Variants in DIAPH3 observed in about 807,000 individuals in gnomAD.
DIAPH3 encodes diaphanous related formin 3, also known as protein diaphanous homolog 3.
DIAPH3 carries 117 observed loss-of-function variants against 144.3 expected under a neutral mutation model. The observed-to-expected ratio is 0.81, with a 90% confidence interval of 0.70 to 0.95. DIAPH3 has a LOEUF of 0.95. DIAPH3 is among the 40% of genes least tolerant of loss of function. The probability of loss-of-function intolerance (pLI) is 0.00; values close to 1 mark genes in which losing one functional copy is unlikely to be tolerated. For missense variants in DIAPH3, 1,421 were observed against 1,412.7 expected (o/e 1.01, Z -0.09); for synonymous variants, 519 against 488.9 (o/e 1.06, Z -0.81).
At chr13:59,790,628 T>C (rs2039279792) in intron 25 of DIAPH3, among the ~76,000 whole-genome samples, 3 of 152,036 alleles carry the variant, frequency 2.0e-5, no homozygotes, top group Admixed American at 6.6e-5. Flanking sequence ...AATTTTAAAA[T>C]CCTATTCAGA....
intron 27 of DIAPH3, 122 bp downstream of exon 27, chr13:59,774,067 C>T: frequency 1.0e-6 from 1 of 985,510 alleles, no homozygotes; most frequent in Admixed American, 2.1e-5. Context: ...TGTACATGCA[C>T]ACATTTTTAC....
chr13:59,922,280 T>TA (rs2047557821), intron 18 of DIAPH3, among the ~76,000 whole-genome samples: 1 of 151,976 alleles, frequency 6.6e-6, no homozygotes, highest in African/African-American at 2.4e-5. Flanking sequence ...CAACCTTAAA[T>TA]ATAAAAAATC....
intron 9 of DIAPH3, among the ~76,000 whole-genome samples, chr13:59,993,257 T>C (rs1043361044): frequency 4.0e-5 from 6 of 151,882 alleles, no homozygotes; most frequent in Non-Finnish European, 7.4e-5. Context: ...TGTTTAACAC[T>C]TCAACTTTCA....
At chr13:59,983,223 G>T (rs2051144529) in intron 13 of DIAPH3, among the ~76,000 whole-genome samples, 1 of 130,870 alleles carries the variant, frequency 7.6e-6, no homozygotes, top group Non-Finnish European at 1.6e-5. Flanking sequence ...AAAAAAAAAA[G>T]GCTTCGGGGG....
At chr13:59,694,736 A>C (rs76505810) in intron 27 of DIAPH3, among the ~76,000 whole-genome samples, 3 of 152,198 alleles carry the variant, frequency 2.0e-5, no homozygotes, top group African/African-American at 7.2e-5. Context: ...GTAAAAAAAA[A>C]GTTACAGTTG....
At chr13:60,046,793 TA>T (rs1328541074) in intron 4 of DIAPH3, among the ~76,000 whole-genome samples, 10 of 151,932 alleles carry the variant, frequency 6.6e-5, no homozygotes, top group Admixed American at 3.9e-4. Context: ...TATGCAGCCA[TA>T]AAAAAAGAAT....
chr13:60,119,601 G>T (rs2138131245), intron 2 of DIAPH3, among the ~76,000 whole-genome samples: 1 of 151,180 alleles, frequency 6.6e-6, no homozygotes, highest in South Asian at 2.1e-4. Context: ...CAAAAAATTA[G>T]CCGGGCGTAG....
intron 1 of DIAPH3, chr13:60,147,116 AG>A (rs1951564564): frequency 6.6e-6 from 1 of 152,222 alleles, no homozygotes; most frequent in African/African-American, 2.4e-5. Flanking sequence ...GAAGCCTCCA[AG>A]GCCCATAGGT....
chr13:59,913,862 G>A (rs2047105401), intron 19 of DIAPH3, among the ~76,000 whole-genome samples: 1 of 151,982 alleles, frequency 6.6e-6, no homozygotes, highest in South Asian at 2.1e-4. Flanking sequence ...GGAGGCTGAG[G>A]CAGAAGAATA....
At chr13:59,792,646 T>A (rs1593868792) in intron 25 of DIAPH3, among the ~76,000 whole-genome samples, 1 of 152,158 alleles carries the variant, frequency 6.6e-6, no homozygotes, top group South Asian at 2.1e-4. Flanking sequence ...GTCCTTTTCC[T>A]CTCTCTCTTT....
At chr13:59,955,258 T>C (rs1425776915) in intron 17 of DIAPH3, among the ~76,000 whole-genome samples, 2 of 152,026 alleles carry the variant, frequency 1.3e-5, no homozygotes, top group South Asian at 2.1e-4. Flanking sequence ...AATCCCATCA[T>C]GGGAGGGACC....
intron 27 of DIAPH3, among the ~76,000 whole-genome samples, chr13:59,687,740 T>C (rs1006175683): frequency 6.6e-6 from 1 of 152,014 alleles, no homozygotes; most frequent in African/African-American, 2.4e-5. Context: ...CACAATGTAG[T>C]GTAACATAAG....
Position 59,928,723 on chromosome 13 carries a change from T to C in DIAPH3, c.2075-3853A>G, listed in dbSNP as rs560311556. ...GGCTTTGGTATGACTTTCATAGTGATGAAGATGAAGAGCCAAACCCAAGGT... is the reference window on the plus strand; with the variant it reads ...GGCTTTGGTATGACTTTCATAGTGACGAAGATGAAGAGCCAAACCCAAGGT... On this transcript the variant is annotated intron_variant, in intron 17 of 27. Transcript: ENST00000400324. Among the ~76,000 whole-genome samples, 36 of 152,240 alleles carry C rather than the reference T, an allele frequency of 2.4e-4. No homozygotes were observed. In the South Asian group the frequency reaches 5.8e-3, roughly 25 times the overall value.
intron 3 of DIAPH3, among the ~76,000 whole-genome samples, chr13:60,102,459 G>C (rs2058298614): frequency 6.6e-6 from 1 of 152,126 alleles, no homozygotes; most frequent in Non-Finnish European, 1.5e-5. Context: ...GAAGATGTCA[G>C]AAAAGTTCTC....
rs57461813 is a variant in DIAPH3, at chr13:59,873,677, CTT to C, written c.2607+5550_2607+5551del. Among the ~76,000 whole-genome samples, 890 of 128,878 alleles carry C rather than the reference CTT, an allele frequency of 6.9e-3. 7 individuals carry two copies. Among genetic ancestry groups the C allele is most frequent in the African/African-American group, 0.01 (346 of 34,136 alleles). 84.5% of individuals were successfully genotyped at this position (128,878 alleles called of 152,430 possible). On this transcript the variant is annotated intron_variant, in intron 21 of 27. Coordinates refer to ENST00000400324, the MANE Select transcript of DIAPH3 (RefSeq NM_001042517.2). ...TTTGAAAATATTTTCACCACTTTTT[CTT>C]TTTTTTTTTTTTTTTTCACTCTTTT...
intron 3 of DIAPH3, among the ~76,000 whole-genome samples, chr13:60,096,259 T>C (rs763125757): frequency 1.3e-5 from 2 of 152,182 alleles, no homozygotes; most frequent in Non-Finnish European, 2.9e-5. Context: ...CATTACCCAG[T>C]CTCTTTAGTA....
intron 27 of DIAPH3, among the ~76,000 whole-genome samples, chr13:59,715,469 G>A (rs913278358): frequency 1.3e-5 from 2 of 152,058 alleles, no homozygotes; most frequent in African/African-American, 2.4e-5. Context: ...CACATAACAC[G>A]CAAGCCTCTA....
At chr13:60,157,680 T>C (rs930779225) in intron 1 of DIAPH3, among the ~76,000 whole-genome samples, 2 of 152,230 alleles carry the variant, frequency 1.3e-5, no homozygotes, top group Admixed American at 6.5e-5. Flanking sequence ...ATCCTGAACA[T>C]TGTGAATGTA....
intron 2 of DIAPH3, among the ~76,000 whole-genome samples, chr13:60,120,764 G>C (rs2058825236): frequency 6.6e-6 from 1 of 152,168 alleles, no homozygotes; most frequent in Non-Finnish European, 1.5e-5. Flanking sequence ...CCAGTCATGA[G>C]TGAGCCACTT....
Sources: allele counts gnomAD v4.1 joint callset (sites outside exome capture counted in the v4.1 genomes callset), GRCh38; gene constraint gnomAD v4.1.1; transcripts MANE v1.5; gene names NCBI Gene and HGNC (gene_info 2026-07-23, HGNC 2026-07-21).